The following KCNN4 variants were observed in gnomAD, a reference collection of about 807,000 sequenced individuals.
The protein encoded by KCNN4 is potassium calcium-activated channel subfamily N member 4.
In KCNN4, 31 loss-of-function variants were observed where a neutral mutation model predicts 45.2. The ratio of observed to expected loss-of-function variants is 0.69; its 90% CI spans 0.52 to 0.92. The LOEUF (loss-of-function observed/expected upper bound fraction) is 0.92. Ranked by LOEUF, KCNN4 falls within the 40% of genes least tolerant of loss-of-function variation. The pLI, the probability that KCNN4 is intolerant of heterozygous loss-of-function variation, is 0.00. For missense variants in KCNN4, 463 were observed against 574.0 expected, an observed-to-expected ratio of 0.81 and a Z score of 1.98; for synonymous variants, 231 against 254.6, an observed-to-expected ratio of 0.91 and a Z score of 0.88.
rs183943189 is a variant in KCNN4, at chr19:43,772,818, T to G, written c.684-683A>C. Among the ~76,000 whole-genome samples the G allele has an allele frequency of 1.3e-5, 2 of 152,346 alleles. No homozygotes were observed. Among genetic ancestry groups the G allele is most frequent in the East Asian group, 3.9e-4 (2 of 5,190 alleles). On this transcript the variant is annotated intron_variant, in intron 3 of 8. Transcript: ENST00000648319. This position sits in a 1 kb window ranked among gnomAD's most constrained non-coding sequence, Gnocchi z 4.4. Reference sequence around the variant, plus strand: ...TTTCTAGGAGCGAAGATGGAATCTGTACTGTTCACAAACCCCACCCCCTCA... The same window carrying G: ...TTTCTAGGAGCGAAGATGGAATCTGGACTGTTCACAAACCCCACCCCCTCA...
chr19:43,777,672 C>CTCTTTT (rs111402121), intron 1 of KCNN4, among the ~76,000 whole-genome samples: 8 of 146,458 alleles, frequency 5.5e-5, no homozygotes, highest in Non-Finnish European at 7.5e-5. Context: ...GAAATTGTTC[C>CTCTTTT]TTTTTTTTTT....
At chr19:43,773,015 T>C (rs1020571432) in intron 3 of KCNN4, among the ~76,000 whole-genome samples, 3 of 152,216 alleles carry the variant, frequency 2.0e-5, no homozygotes, top group Admixed American at 6.5e-5. Flanking sequence ...TGAAGGAGTT[T>C]AAACTCATGA....
Position 43,772,782 on chromosome 19 carries a change from C to A in KCNN4, c.684-647G>T, listed in dbSNP as rs1969678573. On this transcript the variant is annotated intron_variant, in intron 3 of 8. Transcript: ENST00000648319. This position sits in a 1 kb window ranked among gnomAD's most constrained non-coding sequence, Gnocchi z 4.4. ...GAGGGCCCCTGACACCCCAGACCCA[C>A]CGGGTTGGAGTTTCTAGGAGCGAAG... is the stretch of plus-strand genomic sequence containing the variant. Among the ~76,000 whole-genome samples, 1 of 152,218 alleles carries A rather than the reference C, an allele frequency of 6.6e-6. No homozygotes were observed. The highest frequency in any genetic ancestry group is 1.5e-5 in the Non-Finnish European group (1 of 68,032).
chr19:43,774,720 C>T lies in KCNN4; in HGVS notation c.256-101G>A. On this transcript the variant is annotated intron_variant, in intron 2 of 8. Coordinates refer to ENST00000648319, the MANE Select transcript of KCNN4 (RefSeq NM_002250.3). This position sits in a 1 kb window ranked among gnomAD's most constrained non-coding sequence, Gnocchi z 5.6. ...GCGCCCTGAGATAAGTGGGGTGTGCCGCCTGGCCAGGAGGGAGGGAGTGCA... is the reference window on the plus strand; with the variant it reads ...GCGCCCTGAGATAAGTGGGGTGTGCTGCCTGGCCAGGAGGGAGGGAGTGCA... The T allele has an allele frequency of 1.9e-6, 2 of 1,037,726 alleles. No individual in the cohort carries two copies. The highest frequency in any genetic ancestry group is 2.9e-5 in the East Asian group (1 of 34,332). The allele number at this position is 1,037,726 out of a possible 1,614,324, so 64.3% of individuals were successfully genotyped here.
chr19:43,774,620 C>T lies in KCNN4; in HGVS notation c.256-1G>A, dbSNP rs1338715955. ...GCAGCCCGTTGTCGGTCATGAACAG[C>T]TGCCGGTAGGGGGCCAAGAAGGGAG... On this transcript the variant is annotated splice_acceptor_variant, in intron 2 of 8. Coordinates refer to ENST00000648319, the MANE Select transcript of KCNN4 (RefSeq NM_002250.3). LOFTEE classifies it high-confidence loss of function. The surrounding 1 kb of genome is among the most constrained non-coding windows in gnomAD (Gnocchi z 5.6). 1 of 1,494,824 alleles carries T rather than the reference C, an allele frequency of 6.7e-7. No homozygotes were observed. Among genetic ancestry groups the T allele is most frequent in the Non-Finnish European group, 8.8e-7 (1 of 1,131,416 alleles). The allele number at this position is 1,494,824 out of a possible 1,614,324, so 92.6% of individuals were successfully genotyped here. A position where few individuals can be genotyped will look rare whatever the true frequency, so the allele number is the denominator to read the frequency against.
chr19:43,773,583 G>A (rs986213484), intron 3 of KCNN4, among the ~76,000 whole-genome samples: 8 of 152,178 alleles, frequency 5.3e-5, no homozygotes, highest in Non-Finnish European at 1.0e-4. Context: ...TGATGCTGCT[G>A]GTCTTGAAAT....
At chr19:43,768,493 C>T (rs1404929988) in intron 7 of KCNN4, among the ~76,000 whole-genome samples, 1 of 152,224 alleles carries the variant, frequency 6.6e-6, no homozygotes, top group Non-Finnish European at 1.5e-5. Context: ...GCATGGACGT[C>T]CCTGTTGCCC....
At chr19:43,775,924 G>A (rs1969788232) in intron 2 of KCNN4, among the ~76,000 whole-genome samples, 1 of 151,818 alleles carries the variant, frequency 6.6e-6, no homozygotes, top group South Asian at 2.1e-4. Context: ...CTCAGTAGTT[G>A]GAGACCAGCC....
At chr19:43,771,530 C>A (rs1969643498) in intron 4 of KCNN4, among the ~76,000 whole-genome samples, 1 of 152,038 alleles carries the variant, frequency 6.6e-6, no homozygotes, top group African/African-American at 2.4e-5. Context: ...GATAACTGGA[C>A]TCTACACCCT....
In KCNN4 at chr19:43,769,403, G is replaced by GGTGCATATGGACACGT. The variant is rs778089724; in HGVS notation, c.1049+38_1049+39insACGTGTCCATATGCAC. 6.7e-7 allele frequency: 1 copy of GGTGCATATGGACACGT among 1,483,894 alleles called. No individual in the cohort carries two copies. Among genetic ancestry groups the GGTGCATATGGACACGT allele is most frequent in the Non-Finnish European group, 9.4e-7 (1 of 1,063,476 alleles). 91.9% of individuals were successfully genotyped at this position (1,483,894 alleles called of 1,614,324 possible). ...CGTGCAGAGAGGTGACTTGGACATG[G>GGTGCATATGGACACGT]GTGCACATGGACACGTGTGCATACA... On this transcript the variant is annotated intron_variant, in intron 6 of 8. Transcript: ENST00000648319. The surrounding 1 kb of genome is among the most constrained non-coding windows in gnomAD (Gnocchi z 4.4).
In KCNN4 at chr19:43,772,756, T is replaced by C. The variant is rs1198339811; in HGVS notation, c.684-621A>G. On this transcript the variant is annotated intron_variant, in intron 3 of 8. Coordinates refer to ENST00000648319, the MANE Select transcript of KCNN4 (RefSeq NM_002250.3). The surrounding 1 kb of genome is among the most constrained non-coding windows in gnomAD (Gnocchi z 4.4). ...AGACCAGCAGGGAAAGCTTCATTCA[T>C]GAGGGCCCCTGACACCCCAGACCCA... Among the ~76,000 whole-genome samples the C allele has an allele frequency of 6.6e-6, 1 of 152,146 alleles. No individual in the cohort carries two copies. The highest frequency in any genetic ancestry group is 6.5e-5 in the Admixed American group (1 of 15,274).
chr19:43,777,906 G>T (rs932205562), intron 1 of KCNN4, among the ~76,000 whole-genome samples: 1 of 152,142 alleles, frequency 6.6e-6, no homozygotes, highest in African/African-American at 2.4e-5. Flanking sequence ...CCTCTGAGCA[G>T]GGGAAGAGGG....
chr19:43,778,387 A>C (rs1969871111), intron 1 of KCNN4, among the ~76,000 whole-genome samples: 1 of 152,074 alleles, frequency 6.6e-6, no homozygotes. Flanking sequence ...CTACAGGCAC[A>C]CGCCGCCATG....
At chr19:43,773,250 T>C (rs1418384516) in intron 3 of KCNN4, among the ~76,000 whole-genome samples, 2 of 152,198 alleles carry the variant, frequency 1.3e-5, no homozygotes, top group Admixed American at 6.5e-5. Context: ...GGAGCAGAGA[T>C]TGTGCCACTG....
rs1308167910 is a variant in KCNN4 at position 43,780,336 on chromosome 19, A to G, written c.159+367T>C. Among the ~76,000 whole-genome samples, 131 of 140,882 alleles carry G rather than the reference A, an allele frequency of 9.3e-4. 1 individual carries two copies. Among genetic ancestry groups the G allele is most frequent in the African/African-American group, 2.9e-3 (111 of 37,764 alleles). 92.4% of individuals were successfully genotyped at this position (140,882 alleles called of 152,430 possible). On this transcript the variant is annotated intron_variant, in intron 1 of 8. Coordinates refer to ENST00000648319, the MANE Select transcript of KCNN4 (RefSeq NM_002250.3). The stretch of plus-strand genomic sequence containing the variant: ...CAAAGCCCCTCCTCCCTCAGACCCA[A>G]GAGTCTAGGCCCCCAACCTCTCCTC...
Position 43,780,709 on chromosome 19 carries a change from C to A in KCNN4, c.153G>T (p.Gly51=), listed in dbSNP as rs768120387. 6.2e-6 allele frequency: 10 copies of A among 1,611,994 alleles called. No individual in the cohort carries two copies. Among genetic ancestry groups the A allele is most frequent in the African/African-American group, 1.3e-5 (1 of 74,518 alleles). Residue 51 remains glycine, a synonymous_variant, in exon 1 of 9, where the codon GGG becomes GGT. Transcript: ENST00000648319. Reference sequence around the variant, plus strand: ...GCCACCATGCCCCACTCACCGAGCACCCCCCGAACCACAGCATCTCTGCAT... The same window carrying A: ...GCCACCATGCCCCACTCACCGAGCAACCCCCGAACCACAGCATCTCTGCAT... ...VLHAEMLWFG[G]CSWALYLFLV... is the part of the protein sequence containing the mutation.
intron 1 of KCNN4, among the ~76,000 whole-genome samples, chr19:43,778,991 C>T (rs192661278): frequency 6.6e-6 from 1 of 152,272 alleles, no homozygotes; most frequent in Admixed American, 6.5e-5. Context: ...TCCAGGAGTT[C>T]AAGACCAGCC....
At chr19:43,770,274 C>G (rs903968712) in intron 4 of KCNN4, among the ~76,000 whole-genome samples, 1 of 152,126 alleles carries the variant, frequency 6.6e-6, no homozygotes, top group African/African-American at 2.4e-5. Flanking sequence ...CCCTTGGTCC[C>G]CTCTAATCTC....
intron 2 of KCNN4, among the ~76,000 whole-genome samples, chr19:43,775,244 T>C (rs2146457843): frequency 6.6e-6 from 1 of 152,256 alleles, no homozygotes; most frequent in South Asian, 2.1e-4. Context: ...GGAGAATCAC[T>C]TGAACCCAGG....
Sources: allele counts gnomAD v4.1 joint callset (sites outside exome capture counted in the v4.1 genomes callset), GRCh38; gene constraint gnomAD v4.1.1; non-coding constraint Gnocchi (gnomAD v3.1); transcripts MANE v1.5; gene names NCBI Gene and HGNC (gene_info 2026-07-23, HGNC 2026-07-21).